SWAP70: variants seen among roughly 807,000 people sequenced by gnomAD.
The protein encoded by SWAP70 is switch-associated protein 70.
A neutral mutation model predicts 80.2 loss-of-function variants in SWAP70; 34 were observed. That is an observed-to-expected ratio of 0.42 (90% CI 0.32 to 0.56). The LOEUF (loss-of-function observed/expected upper bound fraction) is 0.56. SWAP70 is among the 20% of genes least tolerant of loss of function. The probability of loss-of-function intolerance (pLI) is 0.09; values close to 1 mark genes in which losing one functional copy is unlikely to be tolerated. For missense variants in SWAP70, 578 were observed against 690.7 expected (o/e 0.84, Z 1.83); for synonymous variants, 239 against 238.5 (o/e 1.00, Z -0.02).
chr11:9,715,457 G>C (rs1367314391), intron 3 of SWAP70, among the ~76,000 whole-genome samples: 1 of 152,134 alleles, frequency 6.6e-6, no homozygotes, highest in African/African-American at 2.4e-5. Context: ...TTATACCATG[G>C]AACACATCTG....
At chr11:9,692,217 A>AATATAT (rs5789612) in intron 1 of SWAP70, among the ~76,000 whole-genome samples, 1 of 145,340 alleles carries the variant, frequency 6.9e-6, no homozygotes, top group Non-Finnish European at 1.5e-5. Flanking sequence ...GGCCACTTAA[A>AATATAT]ATATATATAT....
chr11:9,675,463 G>GAGAA (rs779234158), intron 1 of SWAP70, among the ~76,000 whole-genome samples: 1 of 150,840 alleles, frequency 6.6e-6, no homozygotes, highest in African/African-American at 2.4e-5. Context: ...GGGAGAAAGG[G>GAGAA]AGAAAGACCT....
chr11:9,737,800 G>A (rs1012911194), intron 7 of SWAP70, among the ~76,000 whole-genome samples: 5 of 152,232 alleles, frequency 3.3e-5, no homozygotes, highest in African/African-American at 1.2e-4. Flanking sequence ...GGAGGCTGAG[G>A]CAGGAGAATC....
chr11:9,739,043 G>A (rs1194088743), intron 8 of SWAP70, among the ~76,000 whole-genome samples: 1 of 152,162 alleles, frequency 6.6e-6, no homozygotes, highest in Non-Finnish European at 1.5e-5. Context: ...GTAAGCATAG[G>A]TTCCATGGTA....
At chr11:9,664,651 A>T (rs1249161648) in intron 1 of SWAP70, among the ~76,000 whole-genome samples, 1 of 152,232 alleles carries the variant, frequency 6.6e-6, no homozygotes, top group Admixed American at 6.5e-5. Flanking sequence ...CAGCCTTCCC[A>T]GAATTTTCCT....
At chr11:9,683,813 T>A (rs145042947) in intron 1 of SWAP70, among the ~76,000 whole-genome samples, 73 of 152,292 alleles carry the variant, frequency 4.8e-4, no homozygotes, top group African/African-American at 1.6e-3. Flanking sequence ...TCCTTGTAGC[T>A]GGGTAGCAGT....
chr11:9,713,731 G>A, intron 3 of SWAP70, 92 bp downstream of exon 3: 1 of 1,386,204 alleles, frequency 7.2e-7, no homozygotes, highest in Non-Finnish European at 9.8e-7. Context: ...CATAGATATG[G>A]AAGGAGATCC....
At chr11:9,709,478 T>G (rs1850967019) in intron 2 of SWAP70, among the ~76,000 whole-genome samples, 1 of 152,164 alleles carries the variant, frequency 6.6e-6, no homozygotes, top group Non-Finnish European at 1.5e-5. Context: ...ATGTGAACTT[T>G]GTAAATGTAC....
At chr11:9,739,542 G>A (rs1851408442) in intron 8 of SWAP70, among the ~76,000 whole-genome samples, 1 of 152,188 alleles carries the variant, frequency 6.6e-6, no homozygotes, top group Non-Finnish European at 1.5e-5. Context: ...AGAGAAATAG[G>A]CTAATGTGTT....
rs1046713144 is a variant in SWAP70, at chr11:9,728,642, T to TAA, written c.789+444_789+445insAA. Among the ~76,000 whole-genome samples the TAA allele has an allele frequency of 4.5e-4, 69 of 152,356 alleles. 1 individual carries two copies. The highest frequency in any genetic ancestry group is 1.5e-3 in the African/African-American group (64 of 41,588). On this transcript the variant is annotated intron_variant, in intron 5 of 11. Coordinates refer to ENST00000318950, the MANE Select transcript of SWAP70 (RefSeq NM_015055.4). ...ACTTTGGGTGACTTTCAGGACACTTTATTCATAGGTACTAATTCTTTAAAG... is the reference window on the plus strand; with the variant it reads ...ACTTTGGGTGACTTTCAGGACACTTTAAATTCATAGGTACTAATTCTTTAAAG...
chr11:9,741,972 G>A (rs1384141228), intron 9 of SWAP70: 3 of 103,836 alleles, frequency 2.9e-5, no homozygotes. Context: ...TACTTGGGAG[G>A]CTGAGGCAGG....
At chr11:9,735,774 A>G (rs1851355686) in intron 7 of SWAP70, among the ~76,000 whole-genome samples, 1 of 152,140 alleles carries the variant, frequency 6.6e-6, no homozygotes, top group South Asian at 2.1e-4. Context: ...TGTGTGGTAA[A>G]TCATTTTTCT....
At chr11:9,719,697 A>G (rs1203909658) in intron 3 of SWAP70, among the ~76,000 whole-genome samples, 2 of 152,222 alleles carry the variant, frequency 1.3e-5, no homozygotes, top group African/African-American at 2.4e-5. Flanking sequence ...AGTTCGTTCC[A>G]TAATTTTTGT....
chr11:9,747,481 A>G (rs1442502132), intron 9 of SWAP70, among the ~76,000 whole-genome samples: 3 of 152,220 alleles, frequency 2.0e-5, no homozygotes. Context: ...GGATGATCCT[A>G]GTACAGGCCA....
chr11:9,681,753 A>G (rs1216905523), intron 1 of SWAP70, among the ~76,000 whole-genome samples: 1 of 152,226 alleles, frequency 6.6e-6, no homozygotes, highest in Non-Finnish European at 1.5e-5. Flanking sequence ...GAGGAAGGGA[A>G]CCTATTTAGC....
intron 9 of SWAP70, chr11:9,741,578 T>G (rs1170624062): frequency 6.6e-6 from 1 of 152,230 alleles, no homozygotes; most frequent in African/African-American, 2.4e-5. Flanking sequence ...GTTAATAGAT[T>G]GTTTTTGTGC....
chr11:9,733,996 A>C (rs1209542038), intron 7 of SWAP70, among the ~76,000 whole-genome samples: 3 of 152,176 alleles, frequency 2.0e-5, no homozygotes, highest in Admixed American at 6.5e-5. Context: ...TATGACCCAA[A>C]GTGTTTCAGA....
intron 2 of SWAP70, among the ~76,000 whole-genome samples, chr11:9,698,299 C>T (rs796573739): frequency 4.6e-5 from 7 of 152,144 alleles, no homozygotes; most frequent in African/African-American, 1.7e-4. Flanking sequence ...TGGGGTTTTA[C>T]CATGTTGGCC....
At chr11:9,684,391 C>T (rs1393360810) in intron 1 of SWAP70, among the ~76,000 whole-genome samples, 1 of 152,166 alleles carries the variant, frequency 6.6e-6, no homozygotes, top group Non-Finnish European at 1.5e-5. Flanking sequence ...GATTTGTGGT[C>T]TTTGTCACCA....
Sources: gnomAD v4.1 joint callset for allele counts (sites outside exome capture counted in the v4.1 genomes callset) on GRCh38, gnomAD v4.1.1 for gene constraint, MANE v1.5 for transcripts, NCBI Gene and HGNC (gene_info 2026-07-23, HGNC 2026-07-21) for gene names.